The following TFAP2D variants were observed in gnomAD, a reference collection of about 807,000 sequenced individuals.
TFAP2D encodes transcription factor AP-2 delta, also known as transcription factor AP-2-delta.
A neutral mutation model predicts 43.6 loss-of-function variants in TFAP2D; 9 were observed. The ratio of observed to expected loss-of-function variants is 0.21; its 90% CI spans 0.12 to 0.36. The LOEUF (loss-of-function observed/expected upper bound fraction) is 0.36, where lower values mean the gene tolerates loss of function less well. TFAP2D is among the 10% of genes least tolerant of loss of function. TFAP2D has a pLI of 1.00. For missense variants in TFAP2D, 513 were observed against 561.4 expected, an observed-to-expected ratio of 0.91 and a Z score of 0.87; for synonymous variants, 256 against 224.9, an observed-to-expected ratio of 1.14 and a Z score of -1.24.
At chr6:50,735,644 A>G (rs908750857) in intron 5 of TFAP2D, among the ~76,000 whole-genome samples, 2 of 152,186 alleles carry the variant, frequency 1.3e-5, no homozygotes, top group Admixed American at 1.3e-4. Flanking sequence ...AGATTCCCCT[A>G]CAAAACCTTT....
chr6:50,765,192 TG>T (rs1371757578), intron 7 of TFAP2D, among the ~76,000 whole-genome samples: 10 of 152,176 alleles, frequency 6.6e-5, no homozygotes, highest in Admixed American at 6.5e-4. Context: ...TGTCTTTCTG[TG>T]TCTGGGTTAT....
chr6:50,772,564 T>A, intron 7 of TFAP2D, 81 bp from the exon 8 acceptor site: 1 of 1,247,568 alleles, frequency 8.0e-7, no homozygotes, highest in Non-Finnish European at 1.2e-6. Context: ...TTGAATGTTC[T>A]GAATTATATG....
intron 7 of TFAP2D, among the ~76,000 whole-genome samples, chr6:50,756,008 T>G (rs1364136997): frequency 6.6e-6 from 1 of 151,900 alleles, no homozygotes; most frequent in East Asian, 1.9e-4. Context: ...ACTACAGGCA[T>G]GTGCCACCAT....
intron 5 of TFAP2D, among the ~76,000 whole-genome samples, chr6:50,737,128 A>G (rs7759679): frequency 0.92 from 139,852 of 152,140 alleles, 64,461 homozygotes; most frequent in East Asian, 1. Flanking sequence ...CCACAGACAC[A>G]TGCCACCATG....
chr6:50,715,907 T>C (rs1210286735), intron 2 of TFAP2D, among the ~76,000 whole-genome samples: 1 of 152,092 alleles, frequency 6.6e-6, no homozygotes, highest in Admixed American at 6.5e-5. Context: ...CTTTGGTTTG[T>C]CCTCACAGAA....
At chr6:50,734,572 G>A (rs1768937402) in intron 5 of TFAP2D, among the ~76,000 whole-genome samples, 2 of 152,058 alleles carry the variant, frequency 1.3e-5, no homozygotes, top group South Asian at 2.1e-4. Flanking sequence ...CTAAGTCTTA[G>A]GAATCCTATT....
chr6:50,765,372 T>C (rs9381894), intron 7 of TFAP2D, among the ~76,000 whole-genome samples: 46,872 of 152,132 alleles, frequency 0.31, 8,263 homozygotes, highest in East Asian at 0.43. Context: ...TTCCTTTAGA[T>C]ATATAACCAG....
At chr6:50,717,755 C>A (rs1024762771) in intron 2 of TFAP2D, among the ~76,000 whole-genome samples, 3 of 152,140 alleles carry the variant, frequency 2.0e-5, no homozygotes, top group Non-Finnish European at 2.9e-5. Context: ...AAGTTATTTT[C>A]TTCCACTGTT....
chr6:50,729,945 T>C (rs1768861930), intron 5 of TFAP2D, among the ~76,000 whole-genome samples: 1 of 152,194 alleles, frequency 6.6e-6, no homozygotes, highest in Admixed American at 6.5e-5. Context: ...CCTATTAAGG[T>C]CTAAACTTTA....
intron 7 of TFAP2D, among the ~76,000 whole-genome samples, chr6:50,751,815 T>G (rs149246725): frequency 6.6e-6 from 1 of 152,046 alleles, no homozygotes; most frequent in East Asian, 1.9e-4. Flanking sequence ...ACTGAATTTT[T>G]TAAAATTCCA....
intron 5 of TFAP2D, among the ~76,000 whole-genome samples, chr6:50,741,103 T>G (rs1256435747): frequency 6.6e-6 from 1 of 151,412 alleles, no homozygotes; most frequent in Non-Finnish European, 1.5e-5. Flanking sequence ...GTATTTAATA[T>G]AAGTATTTAA....
At chr6:50,742,169 C>T (rs1401390887) in intron 5 of TFAP2D, among the ~76,000 whole-genome samples, 1 of 151,984 alleles carries the variant, frequency 6.6e-6, no homozygotes, top group African/African-American at 2.4e-5. Flanking sequence ...TGGGCCCTCA[C>T]ACACAAAGCT....
At chr6:50,738,582 C>G (rs1768994736) in intron 5 of TFAP2D, among the ~76,000 whole-genome samples, 1 of 151,996 alleles carries the variant, frequency 6.6e-6, no homozygotes, top group Non-Finnish European at 1.5e-5. Context: ...TGCTACAGAT[C>G]CAGTTTTATT....
rs567908971 is a variant in TFAP2D, at chr6:50,763,860, G to A, written c.1140-8785G>A. 6.6e-5 allele frequency among the ~76,000 whole-genome samples: 10 copies of A among 152,266 alleles called. 1 individual carries two copies. In the South Asian group the frequency reaches 2.1e-3, roughly 32 times the overall value. ...TTGCCAGGAGCTGGGGCTTGGGAGA[G>A]TGAATTGACTGGCAAACACACGAGA... On this transcript the variant is annotated intron_variant, in intron 7 of 7. Transcript: ENST00000008391.
chr6:50,714,940 T>G (rs111287035), intron 1 of TFAP2D, among the ~76,000 whole-genome samples, 176 bp from the exon 2 acceptor site: 2 of 152,118 alleles, frequency 1.3e-5, no homozygotes, highest in African/African-American at 2.4e-5. Context: ...TTCGCCTGTT[T>G]GCAAAGGCTC....
At chr6:50,735,297 A>G (rs1476549905) in intron 5 of TFAP2D, among the ~76,000 whole-genome samples, 1 of 152,130 alleles carries the variant, frequency 6.6e-6, no homozygotes, top group Admixed American at 6.6e-5. Flanking sequence ...GGCATATATC[A>G]TGAACAGTTT....
chr6:50,759,000 G>T (rs1454354544), intron 7 of TFAP2D, among the ~76,000 whole-genome samples: 1 of 151,966 alleles, frequency 6.6e-6, no homozygotes, highest in Non-Finnish European at 1.5e-5. Flanking sequence ...CCATGGCAGG[G>T]CTTTTGATGA....
intron 5 of TFAP2D, among the ~76,000 whole-genome samples, chr6:50,740,339 C>T (rs1047540651): frequency 6.6e-6 from 1 of 151,950 alleles, no homozygotes; most frequent in African/African-American, 2.4e-5. Context: ...ACAAGTACTG[C>T]TTAGTAAAAA....
rs140185763 is a variant in TFAP2D at position 50,714,090 on chromosome 6, C to A, written c.35C>A (p.Ala12Asp). The A allele has an allele frequency of 3.9e-4, 622 of 1,605,836 alleles. 4 individuals carry two copies. Among genetic ancestry groups the A allele is most frequent in the Non-Finnish European group, 1.0e-4 (118 of 1,177,666 alleles). Residue 12 changes from alanine to aspartate, a missense_variant, in exon 1 of 8, where the codon GCC (alanine) becomes GAC (aspartate). Coordinates refer to ENST00000008391, the MANE Select transcript of TFAP2D (RefSeq NM_172238.4). The part of the protein sequence containing the change: ...STTFPGLVHD[A>D]EIRHDGSNSY... Reference sequence around the variant, plus strand: ...ACCTTTCCGGGACTAGTCCACGATGCCGAGGTATTATTACTTTTTTTTTTT... The same window carrying A: ...ACCTTTCCGGGACTAGTCCACGATGACGAGGTATTATTACTTTTTTTTTTT...
Sources: gnomAD v4.1 joint callset for allele counts (sites outside exome capture counted in the v4.1 genomes callset) on GRCh38, gnomAD v4.1.1 for gene constraint, MANE v1.5 for transcripts, NCBI Gene and HGNC (gene_info 2026-07-23, HGNC 2026-07-21) for gene names.